The following TDRP variants were observed in gnomAD, a reference collection of about 807,000 sequenced individuals.
TDRP encodes testis development-related protein.
In TDRP, 12 loss-of-function variants were observed where a neutral mutation model predicts 10.5. That is an observed-to-expected ratio of 1.15 (90% CI 0.73 to 1.86). TDRP has a LOEUF of 1.86. TDRP is among the 40% of genes most tolerant of loss of function. The pLI is 0.00. For missense variants in TDRP, 353 were observed against 229.2 expected (o/e 1.54, Z -3.49); for synonymous variants, 139 against 95.4 (o/e 1.46, Z -2.67).
intron 1 of TDRP, among the ~76,000 whole-genome samples, chr8:508,680 C>G (rs981089182): frequency 1.3e-5 from 2 of 152,250 alleles, no homozygotes; most frequent in African/African-American, 4.8e-5. Context: ...TGGGGACACA[C>G]AGCCAAACCG....
At chr8:531,458 T>C (rs1046753736) in intron 1 of TDRP, among the ~76,000 whole-genome samples, 1 of 152,092 alleles carries the variant, frequency 6.6e-6, no homozygotes, top group African/African-American at 2.4e-5. Flanking sequence ...CCTTAATCCA[T>C]AGGATCTGTG....
chr8:532,774 T>G (rs77790704), intron 1 of TDRP, among the ~76,000 whole-genome samples: 1 of 152,196 alleles, frequency 6.6e-6, no homozygotes, highest in African/African-American at 2.4e-5. Context: ...TCCTTTAGTC[T>G]AAACTAAGGG....
Position 491,501 on chromosome 8 carries a change from TC to T in TDRP, c.*897del. 1.9e-6 allele frequency: 2 copies of T among 1,062,310 alleles called. No individual in the cohort carries two copies. The highest frequency in any genetic ancestry group is 2.6e-6 in the Non-Finnish European group (2 of 767,948). 65.8% of individuals were successfully genotyped at this position (1,062,310 alleles called of 1,614,324 possible). ...TGGAAAAAACACAGCTTCTTACAGA[TC>T]TAACACCAATCACAATAGGCATCTC... On this transcript the variant is annotated 3_prime_UTR_variant, in exon 3 of 3. Coordinates refer to ENST00000324079, the MANE Select transcript of TDRP (RefSeq NM_001384899.1).
chr8:536,612 T>C (rs1366063320), intron 1 of TDRP, among the ~76,000 whole-genome samples: 1 of 152,158 alleles, frequency 6.6e-6, no homozygotes, highest in Non-Finnish European at 1.5e-5. Flanking sequence ...GATATGAGAG[T>C]ATGAAAAAAA....
intron 1 of TDRP, among the ~76,000 whole-genome samples, chr8:521,920 A>C (rs1004612520): frequency 3.9e-5 from 6 of 152,000 alleles, no homozygotes; most frequent in African/African-American, 1.4e-4. Flanking sequence ...ATATTTTTTC[A>C]GTCTTTCACC....
At position 494,550 on chromosome 8, in the gene TDRP, A is replaced by G. The variant is rs748401754; in HGVS notation, c.156T>C (p.Phe52=). The part of the protein sequence containing the change: ...FRGWKEVTSL[F]NKDDEQHLLE... The stretch of plus-strand genomic sequence containing the variant: ...GGAGATGCTGCTCATCATCTTTGTT[A>G]AACAGTGAAGTCACTTCTTTCCAAC... Residue 52 remains phenylalanine, a synonymous_variant, in exon 2 of 3, where the codon TTT becomes TTC. Coordinates refer to ENST00000324079, the MANE Select transcript of TDRP (RefSeq NM_001384899.1). 1.2e-6 allele frequency: 2 copies of G among 1,613,982 alleles called. No homozygotes were observed. The highest frequency in any genetic ancestry group is 1.1e-5 in the South Asian group (1 of 91,072).
rs960815242 is a variant in TDRP, at chr8:490,554, G to A, written c.*1845C>T. 1 of 152,162 alleles carries A rather than the reference G, an allele frequency of 6.6e-6. No individual in the cohort carries two copies. The highest frequency in any genetic ancestry group is 1.9e-4 in the East Asian group (1 of 5,186). 9.4% of individuals were successfully genotyped at this position (152,162 alleles called of 1,614,324 possible). On this transcript the variant is annotated 3_prime_UTR_variant, in exon 3 of 3. Transcript: ENST00000324079. ...AACACAGTGTTTACATTCCTGCGCAGCAAGACCATGTTAGCCAAAAACAAA... is the reference window on the plus strand; with the variant it reads ...AACACAGTGTTTACATTCCTGCGCAACAAGACCATGTTAGCCAAAAACAAA...
intron 1 of TDRP, among the ~76,000 whole-genome samples, chr8:504,445 G>C (rs1801399380): frequency 1.3e-5 from 2 of 152,122 alleles, no homozygotes; most frequent in African/African-American, 4.8e-5. Context: ...GCCTAGAGCA[G>C]TCCAGGAGCC....
chr8:519,250 C>T (rs1393145932), intron 1 of TDRP, among the ~76,000 whole-genome samples: 1 of 152,078 alleles, frequency 6.6e-6, no homozygotes, highest in Non-Finnish European at 1.5e-5. Flanking sequence ...CGCTGTGTGC[C>T]CTCCCCATGC....
intron 1 of TDRP, among the ~76,000 whole-genome samples, chr8:544,423 G>A (rs929453748): frequency 6.6e-6 from 1 of 152,050 alleles, no homozygotes; most frequent in Non-Finnish European, 1.5e-5. Context: ...GTGGGTCCAC[G>A]CGGACCACAG....
At chr8:538,823 C>T (rs1166129799) in intron 1 of TDRP, among the ~76,000 whole-genome samples, 2 of 152,132 alleles carry the variant, frequency 1.3e-5, no homozygotes, top group Non-Finnish European at 2.9e-5. Flanking sequence ...GCAACTTTTC[C>T]CCCCATCAGA....
intron 1 of TDRP, among the ~76,000 whole-genome samples, chr8:515,863 T>C (rs571284539): frequency 6.6e-6 from 1 of 151,888 alleles, no homozygotes; most frequent in Non-Finnish European, 1.5e-5. Context: ...AACTAGAAAA[T>C]GGGAGAGCAT....
intron 1 of TDRP, among the ~76,000 whole-genome samples, chr8:495,286 G>A (rs997884385): frequency 6.6e-6 from 1 of 152,142 alleles, no homozygotes; most frequent in Non-Finnish European, 1.5e-5. Context: ...TGACCTTTGA[G>A]AAGGTTGTTA....
In TDRP at chr8:490,754, A is replaced by G. The variant is rs1389541643; in HGVS notation, c.*1645T>C. On this transcript the variant is annotated 3_prime_UTR_variant, in exon 3 of 3. Coordinates refer to ENST00000324079, the MANE Select transcript of TDRP (RefSeq NM_001384899.1). The stretch of plus-strand genomic sequence containing the variant: ...AAAATTATGAACTTGTCTCTGTATT[A>G]TGGAACAAAGAAAACCTCCACAACT... The G allele has an allele frequency of 6.6e-6, 1 of 152,366 alleles. No homozygotes were observed. Among genetic ancestry groups the G allele is most frequent in the Non-Finnish European group, 1.5e-5 (1 of 68,026 alleles). The allele number at this position is 152,366 out of a possible 1,614,324, so 9.4% of individuals were successfully genotyped here.
At chr8:536,113 G>C (rs1802343253) in intron 1 of TDRP, among the ~76,000 whole-genome samples, 1 of 152,188 alleles carries the variant, frequency 6.6e-6, no homozygotes, top group Non-Finnish European at 1.5e-5. Context: ...ACATTTACAG[G>C]TGAAGATTAT....
upstream of TDRP, among the ~76,000 whole-genome samples, chr8:545,203 C>T (rs1350913222): frequency 7.0e-6 from 1 of 143,322 alleles, no homozygotes; most frequent in Non-Finnish European, 1.5e-5. Flanking sequence ...TACTGAACGA[C>T]GTCCTCACCC....
chr8:513,069 C>T (rs554858826), intron 1 of TDRP, among the ~76,000 whole-genome samples: 1 of 150,340 alleles, frequency 6.7e-6, no homozygotes, highest in East Asian at 1.9e-4. Context: ...CTAAATCCTA[C>T]CAACTATTTA....
chr8:545,485 GGCCAC>G (rs1802629094), upstream of TDRP: 1 of 151,306 alleles, frequency 6.6e-6, no homozygotes, highest in Non-Finnish European at 1.5e-5. Context: ...CGGAGGGCGT[GGCCAC>G]GTCCGCTCGG....
At chr8:533,646 C>A (rs1802267879) in intron 1 of TDRP, among the ~76,000 whole-genome samples, 1 of 152,162 alleles carries the variant, frequency 6.6e-6, no homozygotes, top group Non-Finnish European at 1.5e-5. Context: ...ACTCAGAATT[C>A]TTCAACATTC....
Sources: allele counts gnomAD v4.1 joint callset (sites outside exome capture counted in the v4.1 genomes callset), GRCh38; gene constraint gnomAD v4.1.1; transcripts MANE v1.5; gene names NCBI Gene and HGNC (gene_info 2026-07-23, HGNC 2026-07-21).